Variants in NLGN3 observed in about 807,000 individuals in gnomAD.
The protein encoded by NLGN3 is neuroligin-3.
A neutral mutation model predicts 42.9 loss-of-function variants in NLGN3; 11 were observed. The ratio of observed to expected loss-of-function variants is 0.26; its 90% CI spans 0.16 to 0.42. The LOEUF (loss-of-function observed/expected upper bound fraction) is 0.42. Among genes scored for constraint, NLGN3 ranks in the 10% least tolerant of loss-of-function variants. NLGN3 has a pLI of 1.00. For synonymous variants in NLGN3, 279 were observed against 312.7 expected (o/e 0.89, Z 1.14); for missense variants, 374 against 733.8 (o/e 0.51, Z 5.67).
Position 71,167,136 on chromosome X carries a change from G to A in NLGN3, c.1039G>A (p.Asp347Asn). 8.3e-7 allele frequency: 1 copy of A among 1,211,922 alleles called. No homozygotes were observed. Among genetic ancestry groups the A allele is most frequent in the Non-Finnish European group, 1.1e-6 (1 of 895,549 alleles). ...KVGCNVLDTV[D>N]MVDCLRQKSA... ...GGGCTGTAATGTGCTGGACACCGTG[G>A]ATATGGTGGACTGTCTTCGGCAAAA... The change falls in exon 7 of 8, where the codon GAT becomes AAT. Residue 347 changes from aspartate to asparagine, a missense_variant. Physicochemically the swap from Asp to Asn is conservative, Grantham distance 23. Transcript: ENST00000358741.
At chrX:71,150,543 A>G (rs755132792) in intron 3 of NLGN3, among the ~76,000 whole-genome samples, 4 of 110,061 alleles carry the variant, frequency 3.6e-5, no homozygotes, top group Non-Finnish European at 7.6e-5. Context: ...CTACTAAAAA[A>G]TACAAAAAAT....
At chrX:71,146,153 T>TCTCTCTCACACACACACA (rs1185227027) in intron 1 of NLGN3, among the ~76,000 whole-genome samples, 2 of 26,345 alleles carry the variant, frequency 7.6e-5, no homozygotes, top group African/African-American at 3.1e-4. Flanking sequence ...TCTCTCTCTC[T>TCTCTCTCACACACACACA]CACACACACA....
At chrX:71,175,189 G>A, downstream of NLGN3, among the ~76,000 whole-genome samples, 1 of 111,617 alleles carries the variant, frequency 9.0e-6, no homozygotes, top group Non-Finnish European at 1.9e-5. Context: ...TGACTTCAGG[G>A]CTCCAAGATC....
At chrX:71,167,873 C>A in intron 7 of NLGN3, 73 bp downstream of exon 7, 1 of 929,845 alleles carries the variant, frequency 1.1e-6, no homozygotes, top group Non-Finnish European at 1.6e-6. Flanking sequence ...CTAGCTAAAC[C>A]TCTTCCATCA....
chrX:71,164,398 C>G, intron 6 of NLGN3, 70 bp downstream of exon 6: 1 of 1,057,830 alleles, frequency 9.5e-7, no homozygotes, highest in Non-Finnish European at 1.3e-6. Context: ...CATCCATGCC[C>G]CAGGGCATCC....
At chrX:71,152,720 C>T (rs928183572) in intron 3 of NLGN3, among the ~76,000 whole-genome samples, 6 of 110,534 alleles carry the variant, frequency 5.4e-5, no homozygotes, top group Non-Finnish European at 9.5e-5. Flanking sequence ...TATTTTTTTT[C>T]TCTCTCTCTC....
At chrX:71,160,344 G>A (rs749054705) in intron 5 of NLGN3, among the ~76,000 whole-genome samples, 1 of 108,209 alleles carries the variant, frequency 9.2e-6, no homozygotes, top group South Asian at 4.1e-4. Context: ...AGCCTCCCAA[G>A]TAGCTGGGAT....
chrX:71,169,889 C>A lies in NLGN3; in HGVS notation c.2339C>A (p.Pro780His). 4 of 1,199,604 alleles carry A rather than the reference C, an allele frequency of 3.3e-6. No homozygotes were observed. Among genetic ancestry groups the A allele is most frequent in the Middle Eastern group, 4.6e-4 (2 of 4,340 alleles). ...PTHHECEAGP[P>H]HDTLRLTALP... is the part of the protein sequence containing the mutation. ...CACCACGAGTGTGAGGCCGGTCCCC[C>A]CCATGACACGCTGCGCCTCACTGCA... The change falls in exon 8 of 8, where the codon CCC (proline) becomes CAC (histidine). Residue 780 changes from proline to histidine, a missense_variant. By Grantham distance (77) the Pro-to-His change is moderately conservative. This residue lies in a region of NLGN3 where 92 missense variants were observed against 108.0 expected (regional missense o/e 0.85). Transcript: ENST00000358741.
rs778469541 is a variant in NLGN3 at position 71,169,910 on chromosome X, C to T, written c.2360C>T (p.Thr787Ile). Residue 787 changes from threonine (T) to isoleucine (I), a missense_variant, in exon 8 of 8, where the codon ACT (threonine) becomes ATT (isoleucine). By Grantham distance (89) the Thr-to-Ile change is moderately conservative. This residue lies in a region of NLGN3 where 92 missense variants were observed against 108.0 expected (regional missense o/e 0.85). Coordinates refer to ENST00000358741, the MANE Select transcript of NLGN3 (RefSeq NM_181303.2). ...AGPPHDTLRL[T>I]ALPDYTLTLR... is the part of the protein sequence containing the mutation. The stretch of plus-strand genomic sequence containing the variant: ...CCCCCCCATGACACGCTGCGCCTCA[C>T]TGCATTGCCCGACTACACCCTGACC... 8.3e-7 allele frequency: 1 copy of T among 1,201,370 alleles called. No homozygotes were observed. Among genetic ancestry groups the T allele is most frequent in the South Asian group, 1.8e-5 (1 of 55,563 alleles).
chrX:71,160,261 G>A (rs1196434763), intron 5 of NLGN3, among the ~76,000 whole-genome samples: 5 of 102,715 alleles, frequency 4.9e-5, no homozygotes, highest in Admixed American at 1.1e-4. Flanking sequence ...CTGTCGCTCA[G>A]GCTGGAGTGC....
intron 5 of NLGN3, 35 bp from the exon 6 acceptor site, chrX:71,164,108 G>C (rs1308141724): frequency 8.3e-7 from 1 of 1,197,828 alleles, no homozygotes; most frequent in South Asian, 1.8e-5. Flanking sequence ...CCATCCCTCT[G>C]CCTTCATTGT....
In NLGN3 at chrX:71,161,838, C is replaced by G. The variant is rs772132311; in HGVS notation, c.728-2305C>G. 6.2e-5 allele frequency among the ~76,000 whole-genome samples: 7 copies of G among 112,626 alleles called. No homozygotes were observed. In the South Asian group the frequency reaches 2.5e-3, roughly 41 times the overall value. ...GCCCTTTCAGGCCTTTGTTCCTAAC[C>G]CAGGAAATTGGTACATTGGAGAAAT... On this transcript the variant is annotated intron_variant, in intron 5 of 7. Transcript: ENST00000358741.
chrX:71,174,085 C>T (rs1304023863), downstream of NLGN3, among the ~76,000 whole-genome samples: 3 of 112,112 alleles, frequency 2.7e-5, no homozygotes, highest in African/African-American at 9.7e-5. Context: ...CCTGACTGAA[C>T]TCTTTTGCCA....
In NLGN3 at chrX:71,148,872, C is replaced by T. The variant is rs1314474541; in HGVS notation, c.484C>T (p.Arg162Ter). 3 of 1,131,571 alleles carry T rather than the reference C, an allele frequency of 2.7e-6. No individual in the cohort carries two copies. The highest frequency in any genetic ancestry group is 3.5e-5 in the East Asian group (1 of 28,758). The allele number at this position is 1,131,571 out of a possible 1,213,427, so 93.3% of individuals were successfully genotyped here. A position where few individuals can be genotyped will look rare whatever the true frequency, so the allele number is the denominator to read the frequency against. The change falls in exon 3 of 8, where the codon CGA becomes TGA. Residue 162 changes from arginine (R) to a stop codon, truncating the protein, a stop_gained. Transcript: ENST00000358741. LOFTEE classifies it high-confidence loss of function. The part of the protein sequence containing the change: ...DVKRISKECA[R>*]KPNKKICRKG... ...AAAGCGGATTTCCAAGGAATGCGCC[C>T]GAAAGCCCAACAAGAAAATTTGTAG...
Position 71,169,934 on chromosome X carries a change from C to A in NLGN3, c.2384C>A (p.Thr795Asn), listed in dbSNP as rs772906441. The A allele has an allele frequency of 5.0e-6, 6 of 1,203,653 alleles. No individual in the cohort carries two copies. The highest frequency in any genetic ancestry group is 6.7e-6 in the Non-Finnish European group (6 of 891,578). Residue 795 changes from threonine (T) to asparagine (N), a missense_variant, in exon 8 of 8, where the codon ACC becomes AAC. Coordinates refer to ENST00000358741, the MANE Select transcript of NLGN3 (RefSeq NM_181303.2). ...ACTGCATTGCCCGACTACACCCTGACCCTGCGGCGCTCCCCGGATGACATC... is the reference window on the plus strand; with the variant it reads ...ACTGCATTGCCCGACTACACCCTGAACCTGCGGCGCTCCCCGGATGACATC... ...RLTALPDYTLTLRRSPDDIPL... is the reference protein window; with the variant it reads ...RLTALPDYTLNLRRSPDDIPL...
rs991535748 is a variant in NLGN3, at chrX:71,164,547, A to G, written c.913+219A>G. On this transcript the variant is annotated intron_variant, in intron 6 of 7. Transcript: ENST00000358741. The stretch of plus-strand genomic sequence containing the variant: ...AATCCCATTTATGTCCTGGGAAAGC[A>G]AGATTCTCCTTCTGATGTGGGAGTC... 5.3e-5 allele frequency among the ~76,000 whole-genome samples: 6 copies of G among 112,668 alleles called. No individual in the cohort carries two copies. In the Admixed American group the frequency reaches 5.6e-4, roughly 11 times the overall value.
chrX:71,165,521 T>G (rs1359158789), intron 6 of NLGN3, among the ~76,000 whole-genome samples: 1 of 105,013 alleles, frequency 9.5e-6, no homozygotes. Context: ...GAGGTTTGAC[T>G]TTTTTTTTTT....
chrX:71,170,182 G>GAC lies in NLGN3; in HGVS notation c.*103_*104dup, dbSNP rs760166426. ...GCACACACACACACACACACACGCA[G>GAC]ACACACACACACACACACATATATG... On this transcript the variant is annotated 3_prime_UTR_variant, in exon 8 of 8. Transcript: ENST00000358741. The GAC allele has an allele frequency of 1.1e-3, 1,114 of 1,014,301 alleles. 1 individual carries two copies. The highest frequency in any genetic ancestry group is 3.7e-3 in the African/African-American group (177 of 47,982). The allele number at this position is 1,014,301 out of a possible 1,213,427, so 83.6% of individuals were successfully genotyped here.
rs766078372 is a variant in NLGN3, at chrX:71,169,885, C to G, written c.2335C>G (p.Pro779Ala). Reference protein sequence around the residue: ...GPTHHECEAGPPHDTLRLTAL... With the variant: ...GPTHHECEAGAPHDTLRLTAL... ...CACCCACCACGAGTGTGAGGCCGGT[C>G]CCCCCCATGACACGCTGCGCCTCAC... Residue 779 changes from proline to alanine, a missense_variant, in exon 8 of 8, where the codon CCC (proline) becomes GCC (alanine). Pro to Ala is a conservative substitution (Grantham distance 27, BLOSUM62 -1). Around this residue, in one of 6 missense-constraint regions of NLGN3, gnomAD observed 92 missense variants for 108.0 expected, o/e 0.85. Coordinates refer to ENST00000358741, the MANE Select transcript of NLGN3 (RefSeq NM_181303.2). 1.7e-6 allele frequency: 2 copies of G among 1,198,372 alleles called. No individual in the cohort carries two copies. The highest frequency in any genetic ancestry group is 2.3e-6 in the Non-Finnish European group (2 of 888,636).
Sources: gnomAD v4.1 joint callset for allele counts (sites outside exome capture counted in the v4.1 genomes callset) on GRCh38, gnomAD v4.1.1 for gene constraint, gnomAD v4.1.1 regional missense constraint, MANE v1.5 for transcripts, NCBI Gene and HGNC (gene_info 2026-07-23, HGNC 2026-07-21) for gene names.